Variants in TNR observed in about 807,000 individuals in gnomAD.
TNR encodes tenascin-R.
In TNR, 45 loss-of-function variants were observed where a neutral mutation model predicts 150.4. That is an observed-to-expected ratio of 0.30 (90% CI 0.24 to 0.38). The LOEUF is 0.38. Ranked by LOEUF, TNR falls within the 10% of genes least tolerant of loss-of-function variation. TNR has a pLI of 1.00. For synonymous variants in TNR, 687 were observed against 678.4 expected (o/e 1.01, Z -0.20); for missense variants, 1,544 against 1,759.1 (o/e 0.88, Z 2.19).
At chr1:175,451,542 T>G (rs747572134) in intron 2 of TNR, among the ~76,000 whole-genome samples, 27 of 151,846 alleles carry the variant, frequency 1.8e-4, no homozygotes, top group South Asian at 2.1e-4. Flanking sequence ...AGGGGAAGCC[T>G]CAGTTACATC....
At chr1:175,610,608 C>G (rs1256589906) in intron 1 of TNR, among the ~76,000 whole-genome samples, 1 of 152,200 alleles carries the variant, frequency 6.6e-6, no homozygotes, top group African/African-American at 2.4e-5. Flanking sequence ...CCCATCTCCC[C>G]ACACCTGGTT....
intron 1 of TNR, among the ~76,000 whole-genome samples, chr1:175,654,719 C>CT (rs36087120): frequency 0.062 from 4,628 of 74,586 alleles, 54 homozygotes; most frequent in African/African-American, 0.088. Context: ...AAGTTCCCTT[C>CT]TTTTTTTTTT....
chr1:175,354,649 C>T, intron 17 of TNR, 126 bp from the exon 18 acceptor site: 6 of 1,228,138 alleles, frequency 4.9e-6, no homozygotes, highest in Non-Finnish European at 3.5e-6. Flanking sequence ...TTGTCATCCT[C>T]TCCATCCCAC....
rs148531258 is a variant in TNR, at chr1:175,418,656, G to A, written c.-63-11879C>T. On this transcript the variant is annotated intron_variant, in intron 2 of 22. Coordinates refer to ENST00000367674, the MANE Select transcript of TNR (RefSeq NM_003285.3). ...AGAGAATTGCTTGAACCCGGGAGGCGGAGGTTGCAGTGAGCCGAGATTGTG... is the reference window on the plus strand; with the variant it reads ...AGAGAATTGCTTGAACCCGGGAGGCAGAGGTTGCAGTGAGCCGAGATTGTG... 2.7e-3 allele frequency among the ~76,000 whole-genome samples: 410 copies of A among 152,116 alleles called. 1 individual carries two copies. The highest frequency in any genetic ancestry group is 6.8e-3 in the Middle Eastern group (2 of 294).
chr1:175,352,215 G>C (rs920116647), intron 18 of TNR, among the ~76,000 whole-genome samples: 4 of 152,158 alleles, frequency 2.6e-5, no homozygotes, highest in Non-Finnish European at 4.4e-5. Flanking sequence ...AGGCACAGCT[G>C]TAAGATGCCA....
intron 2 of TNR, among the ~76,000 whole-genome samples, chr1:175,450,881 A>T (rs1656275446): frequency 6.6e-6 from 1 of 152,188 alleles, no homozygotes; most frequent in Non-Finnish European, 1.5e-5. Flanking sequence ...CATCCCACAG[A>T]TTGTTAACTG....
At chr1:175,356,246 T>G in intron 16 of TNR, 73 bp downstream of exon 16, 1 of 1,579,966 alleles carries the variant, frequency 6.3e-7, no homozygotes, top group Non-Finnish European at 8.6e-7. Flanking sequence ...GATAATCTAG[T>G]CCACCACAAG....
At chr1:175,372,670 G>T (rs1432507179) in intron 9 of TNR, among the ~76,000 whole-genome samples, 1 of 152,224 alleles carries the variant, frequency 6.6e-6, no homozygotes, top group East Asian at 1.9e-4. Flanking sequence ...CAGGGAAAGT[G>T]GTAGGGAGAA....
At chr1:175,365,406 A>C (rs2102013753) in intron 11 of TNR, 127 bp from the exon 12 acceptor site, 1 of 1,077,642 alleles carries the variant, frequency 9.3e-7, no homozygotes, top group Non-Finnish European at 1.3e-6. Flanking sequence ...CCCACTAACC[A>C]AGAGATTCCA....
In TNR at chr1:175,406,225, C is replaced by G; in HGVS notation, c.490G>C (p.Ala164Pro). The G allele has an allele frequency of 6.2e-7, 1 of 1,613,776 alleles. No individual in the cohort carries two copies. Among genetic ancestry groups the G allele is most frequent in the South Asian group, 1.1e-5 (1 of 91,008 alleles). The part of the protein sequence containing the change: ...QCNANCCQES[A>P]ATGQLDYIPH... ...AGCTCCCGGACTCTACCTGTGGCAG[C>G]ACTTTCTTGGCAGCAGTTGGCGTTG... Residue 164 changes from alanine to proline, a missense_variant, in exon 3 of 23, where the codon GCT becomes CCT. Physicochemically the swap from Ala to Pro is conservative, Grantham distance 27 (BLOSUM62 -1). Transcript: ENST00000367674.
chr1:175,616,885 C>G (rs977697531), intron 1 of TNR, among the ~76,000 whole-genome samples: 2 of 152,190 alleles, frequency 1.3e-5, no homozygotes, highest in Non-Finnish European at 2.9e-5. Flanking sequence ...GTCTCAGTTT[C>G]TTGGACTGTG....
chr1:175,676,767 A>G (rs989447727), intron 1 of TNR, among the ~76,000 whole-genome samples: 1 of 152,328 alleles, frequency 6.6e-6, no homozygotes, highest in East Asian at 1.9e-4. Context: ...AAGCTTTCAC[A>G]TATATGGAAC....
At chr1:175,683,696 G>A (rs1056203895) in intron 1 of TNR, among the ~76,000 whole-genome samples, 10 of 152,220 alleles carry the variant, frequency 6.6e-5, no homozygotes, top group African/African-American at 1.9e-4. Context: ...GGGGAGGGGA[G>A]GGCAGGGAAA....
chr1:175,418,666 G>A (rs1266352436), intron 2 of TNR, among the ~76,000 whole-genome samples: 1 of 152,068 alleles, frequency 6.6e-6, no homozygotes, highest in African/African-American at 2.4e-5. Flanking sequence ...GGAGGTTGCA[G>A]TGAGCCGAGA....
intron 1 of TNR, among the ~76,000 whole-genome samples, chr1:175,530,403 CTGG>C (rs1660017656): frequency 1.3e-5 from 2 of 152,176 alleles, no homozygotes; most frequent in Admixed American, 6.5e-5. Flanking sequence ...CTCTTTTTGG[CTGG>C]TGGTGATTCC....
At chr1:175,604,529 T>C (rs1322382852) in intron 1 of TNR, among the ~76,000 whole-genome samples, 1 of 152,128 alleles carries the variant, frequency 6.6e-6, no homozygotes, top group African/African-American at 2.4e-5. Flanking sequence ...AAAAGCTCAC[T>C]TCCTTGCCCG....
At chr1:175,491,485 G>A (rs1482546564) in intron 2 of TNR, among the ~76,000 whole-genome samples, 1 of 152,100 alleles carries the variant, frequency 6.6e-6, no homozygotes, top group African/African-American at 2.4e-5. Context: ...CAGGGAGAAA[G>A]GCTGAACTAT....
intron 1 of TNR, among the ~76,000 whole-genome samples, chr1:175,720,371 A>C (rs1294415805): frequency 6.6e-6 from 1 of 152,196 alleles, no homozygotes; most frequent in Non-Finnish European, 1.5e-5. Context: ...AATCTTGAAC[A>C]TCTAGTCTCT....
At chr1:175,384,353 AT>A (rs1652824835) in intron 8 of TNR, among the ~76,000 whole-genome samples, 1 of 152,070 alleles carries the variant, frequency 6.6e-6, no homozygotes. Flanking sequence ...AATGGGCAGA[AT>A]TTAGTTCATT....
Sources: allele counts gnomAD v4.1 joint callset (sites outside exome capture counted in the v4.1 genomes callset), GRCh38; gene constraint gnomAD v4.1.1; transcripts MANE v1.5; gene names NCBI Gene and HGNC (gene_info 2026-07-23, HGNC 2026-07-21).